Variants in SGCD observed in about 807,000 individuals in gnomAD.
SGCD encodes sarcoglycan delta.
In SGCD, 18 loss-of-function variants were observed where a neutral mutation model predicts 36.6. The observed-to-expected ratio is 0.49, with a 90% CI of 0.34 to 0.73. The LOEUF (loss-of-function observed/expected upper bound fraction) is 0.73, where lower values mean the gene tolerates loss of function less well. Among genes scored for constraint, SGCD ranks in the 30% least tolerant of loss-of-function variants. The pLI is 0.01. For missense variants in SGCD, 387 were observed against 346.7 expected, an observed-to-expected ratio of 1.12 and a Z score of -0.92; for synonymous variants, 133 against 130.6, an observed-to-expected ratio of 1.02 and a Z score of -0.12.
intron 3 of SGCD, among the ~76,000 whole-genome samples, chr5:156,366,589 A>G (rs1483186832): frequency 6.6e-6 from 1 of 152,218 alleles, no homozygotes; most frequent in South Asian, 2.1e-4. Flanking sequence ...AATACATGTG[A>G]TTACTATGGA....
At chr5:155,907,789 G>T (rs749957398) in intron 1 of SGCD, among the ~76,000 whole-genome samples, 1 of 152,076 alleles carries the variant, frequency 6.6e-6, no homozygotes, top group Non-Finnish European at 1.5e-5. Flanking sequence ...AACTAGAAAA[G>T]ATTTAGAATG....
At chr5:156,591,188 T>C (rs944187368) in intron 5 of SGCD, among the ~76,000 whole-genome samples, 10 of 152,182 alleles carry the variant, frequency 6.6e-5, no homozygotes, top group African/African-American at 2.2e-4. Flanking sequence ...CCTGTTGTGC[T>C]GGGTGCTGTA....
intron 4 of SGCD, among the ~76,000 whole-genome samples, chr5:156,521,078 C>G (rs1245310817): frequency 6.7e-6 from 1 of 149,816 alleles, no homozygotes; most frequent in East Asian, 2.0e-4. Context: ...TTCAACAAAC[C>G]TGACAAAAAC....
rs979220102 is a variant in SGCD, at chr5:156,571,641, GGCCT to G, written c.295-17587_295-17584del. Among the ~76,000 whole-genome samples, 2 of 152,056 alleles carry G rather than the reference GGCCT, an allele frequency of 1.3e-5. 1 individual carries two copies. The highest frequency in any genetic ancestry group is 4.8e-5 in the African/African-American group (2 of 41,394). The stretch of plus-strand genomic sequence containing the variant: ...CTAAGCACACAATCACAGTCTCCGT[GGCCT>G]GCTTCTAGATCCTTATGCCAGCAAG... On this transcript the variant is annotated intron_variant, in intron 4 of 8. Transcript: ENST00000337851.
At position 156,452,922 on chromosome 5, in the gene SGCD, T is replaced by C. The variant is rs1754084201; in HGVS notation, c.193-55679T>C. On this transcript the variant is annotated intron_variant, in intron 3 of 8. Coordinates refer to ENST00000337851, the MANE Select transcript of SGCD (RefSeq NM_000337.6). ...GAATTTCCATAAAAATGATTGGAGA[T>C]AGAGTGACTTGAGCATAAATTTACT... Among the ~76,000 whole-genome samples the C allele has an allele frequency of 2.0e-5, 3 of 152,142 alleles. No homozygotes were observed. The South Asian group carries it at 6.2e-4, about 32-fold the overall frequency.
intron 3 of SGCD, among the ~76,000 whole-genome samples, chr5:156,447,986 G>A (rs1430874969): frequency 6.6e-6 from 1 of 152,102 alleles, no homozygotes; most frequent in African/African-American, 2.4e-5. Context: ...AAGCAGTTTT[G>A]TACAAAGTCA....
intron 1 of SGCD, among the ~76,000 whole-genome samples, chr5:156,074,703 T>C (rs1276376418): frequency 6.6e-6 from 1 of 152,038 alleles, no homozygotes. Context: ...AGAATGTATT[T>C]ATACTTTAAA....
intron 1 of SGCD, among the ~76,000 whole-genome samples, chr5:156,047,284 C>G (rs1179522901): frequency 2.0e-5 from 3 of 152,114 alleles, no homozygotes; most frequent in Admixed American, 2.0e-4. Context: ...TCCGGAAAAT[C>G]CACGCAAGAT....
At chr5:156,311,343 A>G (rs374759368) in intron 3 of SGCD, among the ~76,000 whole-genome samples, 2 of 152,170 alleles carry the variant, frequency 1.3e-5, no homozygotes, top group Admixed American at 1.3e-4. Context: ...GACCCCGAAC[A>G]GGAGTGGTCA....
At chr5:156,558,995 C>A (rs1051019279) in intron 4 of SGCD, among the ~76,000 whole-genome samples, 28 of 147,552 alleles carry the variant, frequency 1.9e-4, no homozygotes, top group African/African-American at 4.4e-4. Context: ...CAAAGCCATT[C>A]ACTTTGCGAA....
chr5:156,180,300 A>G (rs1763572079), intron 3 of SGCD, among the ~76,000 whole-genome samples: 1 of 152,186 alleles, frequency 6.6e-6, no homozygotes, highest in Non-Finnish European at 1.5e-5. Context: ...ACTCTAAGAT[A>G]GGGAATGAGA....
chr5:156,387,405 G>T (rs883015), intron 3 of SGCD, among the ~76,000 whole-genome samples: 28 of 152,204 alleles, frequency 1.8e-4, no homozygotes, highest in East Asian at 9.7e-4. Flanking sequence ...ATTGGGAGGG[G>T]GGTGCCTCAG....
At chr5:155,851,677 T>G in the SGCD span, among the ~76,000 whole-genome samples, 1 of 152,176 alleles carries the variant, frequency 6.6e-6, no homozygotes, top group Non-Finnish European at 1.5e-5. Flanking sequence ...TGGAAGGCCC[T>G]TCTCCACTTT....
chr5:156,325,791 A>G (rs1418013925), upstream of SGCD, among the ~76,000 whole-genome samples: 1 of 152,162 alleles, frequency 6.6e-6, no homozygotes, highest in East Asian at 1.9e-4. Context: ...TCCAACTCCA[A>G]AGATCTGATT....
intron 7 of SGCD, among the ~76,000 whole-genome samples, chr5:156,670,767 A>G (rs1368284240): frequency 1.3e-5 from 2 of 152,216 alleles, no homozygotes; most frequent in African/African-American, 4.8e-5. Flanking sequence ...GATCTCAGGG[A>G]AAACTAGATA....
chr5:155,996,844 A>G (rs1353749142), intron 1 of SGCD, among the ~76,000 whole-genome samples: 1 of 147,796 alleles, frequency 6.8e-6, no homozygotes, highest in Non-Finnish European at 1.5e-5. Context: ...CAAATGGTAA[A>G]TCTGATATCT....
At chr5:156,711,777 T>G (rs1755005561) in intron 7 of SGCD, among the ~76,000 whole-genome samples, 1 of 152,200 alleles carries the variant, frequency 6.6e-6, no homozygotes, top group African/African-American at 2.4e-5. Flanking sequence ...AGAGGGTTCT[T>G]GGATCTCATG....
chr5:156,401,839 A>G (rs573307856), intron 3 of SGCD, among the ~76,000 whole-genome samples: 1 of 152,306 alleles, frequency 6.6e-6, no homozygotes, highest in South Asian at 2.1e-4. Context: ...GACATTAAGT[A>G]CATGCATATT....
At chr5:156,074,655 G>A (rs191844984) in intron 1 of SGCD, among the ~76,000 whole-genome samples, 17 of 152,184 alleles carry the variant, frequency 1.1e-4, no homozygotes, top group Admixed American at 7.9e-4. Flanking sequence ...ACTCAAGCCC[G>A]GGCAAGAAAG....
Sources: allele counts gnomAD v4.1 joint callset (sites outside exome capture counted in the v4.1 genomes callset), GRCh38; gene constraint gnomAD v4.1.1; transcripts MANE v1.5; gene names NCBI Gene and HGNC (gene_info 2026-07-23, HGNC 2026-07-21).